Variants in LAMB1 observed in about 807,000 individuals in gnomAD.
LAMB1 encodes laminin subunit beta 1.
Under a neutral mutation model 222.3 loss-of-function variants are expected in LAMB1, and 121 were observed. The observed-to-expected ratio is 0.54, with a 90% confidence interval of 0.47 to 0.63. LAMB1 has a LOEUF of 0.63. Among genes scored for constraint, LAMB1 ranks in the 30% least tolerant of loss-of-function variants. The pLI is 0.00. For synonymous variants in LAMB1, 794 were observed against 807.2 expected (o/e 0.98, Z 0.28); for missense variants, 2,172 against 2,240.8 (o/e 0.97, Z 0.62).
chr7:107,933,139 A>G (rs530910632), intron 27 of LAMB1, among the ~76,000 whole-genome samples: 1 of 152,222 alleles, frequency 6.6e-6, no homozygotes, highest in South Asian at 2.1e-4. Context: ...CTCAAAGATC[A>G]CCACTTGGTC....
intron 13 of LAMB1, among the ~76,000 whole-genome samples, chr7:107,966,279 C>T (rs1370939349): frequency 6.6e-6 from 1 of 151,764 alleles, no homozygotes; most frequent in Admixed American, 6.6e-5. Context: ...GGAACGATCT[C>T]GGTTCACTGC....
At chr7:107,983,191 T>C (rs2034007824) in intron 7 of LAMB1, among the ~76,000 whole-genome samples, 2 of 152,208 alleles carry the variant, frequency 1.3e-5, no homozygotes, top group African/African-American at 4.8e-5. Context: ...GTAAAATTAA[T>C]TTAAATGGGG....
In LAMB1 at chr7:107,964,475, GGT is replaced by G. The variant is rs1229183865; in HGVS notation, c.1698+75_1698+76del. The G allele has an allele frequency of 2.1e-4, 324 of 1,538,436 alleles. 1 individual carries two copies. In the Middle Eastern group the frequency reaches 2.6e-3, roughly 12 times the overall value. On this transcript the variant is annotated intron_variant, in intron 14 of 33. Transcript: ENST00000222399. ...AGCTATAAAAATGCTTCTGAAATGGGGTCTTTACAAAGCATGTATGTTCCACT... is the reference window on the plus strand; with the variant it reads ...AGCTATAAAAATGCTTCTGAAATGGGCTTTACAAAGCATGTATGTTCCACT...
At position 107,937,120 on chromosome 7, in the gene LAMB1, C is replaced by G. The variant is rs2032866055; in HGVS notation, c.3919G>C (p.Glu1307Gln). The stretch of plus-strand genomic sequence containing the variant: ...CGAATATCTGAGTTTTTGATAAATT[C>G]CAGTTGTTCAGCAAGTTCTTTCACA... ...NTVKELAEQLEFIKNSDIRGA... is the reference protein window; with the variant it reads ...NTVKELAEQLQFIKNSDIRGA... The change falls in exon 26 of 34, where the codon GAA (glutamate) becomes CAA (glutamine). Residue 1307 changes from glutamate to glutamine, a missense_variant. Coordinates refer to ENST00000222399, the MANE Select transcript of LAMB1 (RefSeq NM_002291.3). 1 of 1,613,778 alleles carries G rather than the reference C, an allele frequency of 6.2e-7. No individual in the cohort carries two copies. Among genetic ancestry groups the G allele is most frequent in the Non-Finnish European group, 8.5e-7 (1 of 1,179,882 alleles).
Position 107,927,866 on chromosome 7 carries a change from G to GT in LAMB1, c.4887+1197dup, listed in dbSNP as rs34148875. Among the ~76,000 whole-genome samples the GT allele has an allele frequency of 1.5e-3, 230 of 152,246 alleles. 1 individual carries two copies. The highest frequency in any genetic ancestry group is 2.7e-3 in the Non-Finnish European group (185 of 68,024). ...ACAGCAATAGAATAGGGGAACACAG[G>GT]TTTTTACCAACTAATGGTAAGAAAA... On this transcript the variant is annotated intron_variant, in intron 31 of 33. Coordinates refer to ENST00000222399, the MANE Select transcript of LAMB1 (RefSeq NM_002291.3).
intron 32 of LAMB1, among the ~76,000 whole-genome samples, 182 bp downstream of exon 32, chr7:107,926,001 T>C (rs570573258): frequency 2.6e-5 from 4 of 152,162 alleles, no homozygotes; most frequent in Non-Finnish European, 4.4e-5. Flanking sequence ...GTCATACTTA[T>C]TAGATATTTC....
At chr7:107,994,627 A>G (rs983198581) in intron 5 of LAMB1, among the ~76,000 whole-genome samples, 2 of 152,214 alleles carry the variant, frequency 1.3e-5, no homozygotes, top group Admixed American at 1.3e-4. Flanking sequence ...TCTATGGGGA[A>G]ATAAAAAGAT....
chr7:107,951,955 C>G, intron 23 of LAMB1, 54 bp downstream of exon 23: 1 of 1,483,172 alleles, frequency 6.7e-7, no homozygotes, highest in Non-Finnish European at 9.2e-7. Context: ...GCAAAGTCAC[C>G]ATGGGCTGAC....
chr7:107,948,035 G>T (rs932488170), intron 24 of LAMB1, among the ~76,000 whole-genome samples: 3 of 144,488 alleles, frequency 2.1e-5, no homozygotes, highest in Non-Finnish European at 3.0e-5. Flanking sequence ...CAGGCTGGAG[G>T]GCAGTGGCAC....
At chr7:107,993,898 G>A (rs2034233456) in intron 5 of LAMB1, among the ~76,000 whole-genome samples, 1 of 152,158 alleles carries the variant, frequency 6.6e-6, no homozygotes, top group Admixed American at 6.5e-5. Flanking sequence ...GAGTGGGCAA[G>A]GGGATAAAGG....
chr7:107,924,540 TG>T, intron 32 of LAMB1, 151 bp from the exon 33 acceptor site: 1 of 577,926 alleles, frequency 1.7e-6, no homozygotes, highest in Non-Finnish European at 2.8e-6. Flanking sequence ...CTTCAAACAG[TG>T]GAATTGAATG....
chr7:107,994,447 G>C (rs2034243725), intron 5 of LAMB1, among the ~76,000 whole-genome samples: 1 of 152,080 alleles, frequency 6.6e-6, no homozygotes, highest in African/African-American at 2.4e-5. Flanking sequence ...AATCATTCTG[G>C]AGTTCAACAG....
chr7:107,967,342 G>C (rs1193125396), intron 13 of LAMB1, among the ~76,000 whole-genome samples: 1 of 152,106 alleles, frequency 6.6e-6, no homozygotes. Context: ...CCCCATACCT[G>C]TTACTCTAAC....
chr7:107,975,533 C>A, intron 10 of LAMB1, 120 bp from the exon 11 acceptor site: 6 of 1,245,200 alleles, frequency 4.8e-6, no homozygotes, highest in Non-Finnish European at 6.6e-6. Context: ...AGCAGCACAA[C>A]TACCAAGTAA....
In LAMB1 at chr7:107,953,532, C is replaced by A. The variant is rs193010498; in HGVS notation, c.3077G>T (p.Arg1026Leu). 4.3e-6 allele frequency: 7 copies of A among 1,610,146 alleles called. No individual in the cohort carries two copies. The East Asian group carries it at 1.6e-4, about 36-fold the overall frequency. The stretch of plus-strand genomic sequence containing the variant: ...GGCAGAATAAATGTGCATCTTACTT[C>A]GACAGTCCTGCTGGAGGGCATCACC... Reference protein sequence around the residue: ...YYGDALQQDCRKCVCNYLGTV... With the variant: ...YYGDALQQDCLKCVCNYLGTV... The change falls in exon 22 of 34, where the codon CGA becomes CTA. Residue 1026 changes from arginine to leucine, a missense_variant and splice_region_variant. Physicochemically the swap from Arg to Leu is moderately radical, Grantham distance 102. Coordinates refer to ENST00000222399, the MANE Select transcript of LAMB1 (RefSeq NM_002291.3).
At chr7:107,962,639 G>A (rs1031454970) in intron 15 of LAMB1, among the ~76,000 whole-genome samples, 51 of 151,246 alleles carry the variant, frequency 3.4e-4, no homozygotes, top group Non-Finnish European at 4.6e-4. Context: ...GCTTGAACCC[G>A]GGAGGCGGAG....
chr7:107,924,878 G>T (rs2032523725), intron 32 of LAMB1, among the ~76,000 whole-genome samples: 1 of 152,168 alleles, frequency 6.6e-6, no homozygotes, highest in South Asian at 2.1e-4. Context: ...TGAGTGAGGA[G>T]AAGAGAAATG....
chr7:108,003,057 C>CG (rs951783673), intron 1 of LAMB1, 54 bp downstream of exon 1: 5 of 1,404,570 alleles, frequency 3.6e-6, no homozygotes, highest in East Asian at 2.6e-5. Context: ...CCCACGGAAG[C>CG]GGGGGGTGGG....
chr7:107,959,512 G>A, intron 19 of LAMB1, 32 bp from the exon 20 acceptor site: 1 of 1,611,738 alleles, frequency 6.2e-7, no homozygotes, highest in Non-Finnish European at 8.5e-7. Flanking sequence ...GAACTGCCTT[G>A]AGAAACTCAT....
Sources: allele counts gnomAD v4.1 joint callset (sites outside exome capture counted in the v4.1 genomes callset), GRCh38; gene constraint gnomAD v4.1.1; transcripts MANE v1.5; gene names NCBI Gene and HGNC (gene_info 2026-07-23, HGNC 2026-07-21).